Variants in TMTC2 observed in about 807,000 individuals in gnomAD.
TMTC2 encodes the protein transmembrane O-mannosyltransferase targeting cadherins 2, also known as protein O-mannosyl-transferase TMTC2.
In TMTC2, 43 loss-of-function variants were observed where a neutral mutation model predicts 82.4. The ratio of observed to expected loss-of-function variants is 0.52; its 90% CI spans 0.41 to 0.67. TMTC2 has a LOEUF of 0.67. TMTC2 is among the 30% of genes least tolerant of loss of function. The pLI is 0.00. For missense variants in TMTC2, 919 were observed against 1,012.4 expected (o/e 0.91, Z 1.25); for synonymous variants, 408 against 381.9 (o/e 1.07, Z -0.80).
chr12:83,065,496 C>A (rs1275761047), intron 11 of TMTC2, among the ~76,000 whole-genome samples: 2 of 151,856 alleles, frequency 1.3e-5, no homozygotes, highest in African/African-American at 4.8e-5. Flanking sequence ...CAAAATGATA[C>A]CATTACCATT....
intron 1 of TMTC2, among the ~76,000 whole-genome samples, chr12:82,741,486 T>C (rs1459375421): frequency 2.6e-5 from 4 of 152,158 alleles, no homozygotes; most frequent in Non-Finnish European, 5.9e-5. Flanking sequence ...AAGTTTTGTA[T>C]TTTTAGTAGA....
At chr12:83,016,184 G>A (rs1880668880) in intron 8 of TMTC2, among the ~76,000 whole-genome samples, 1 of 152,174 alleles carries the variant, frequency 6.6e-6, no homozygotes, top group East Asian at 1.9e-4. Context: ...ATTAACATTT[G>A]TAAGCTGCTG....
At chr12:82,790,751 C>T (rs1459885143) in intron 1 of TMTC2, among the ~76,000 whole-genome samples, 6 of 150,366 alleles carry the variant, frequency 4.0e-5, no homozygotes, top group South Asian at 2.1e-4. Flanking sequence ...CACTTGAACC[C>T]GGGAGGCGGA....
intron 7 of TMTC2, among the ~76,000 whole-genome samples, 154 bp from the exon 8 acceptor site, chr12:82,985,771 A>T (rs1001295562): frequency 6.2e-4 from 94 of 152,258 alleles, no homozygotes; most frequent in African/African-American, 2.2e-3. Flanking sequence ...AATCATGATG[A>T]CTTCTTTGGG....
At chr12:82,770,720 C>A (rs983248291) in intron 1 of TMTC2, among the ~76,000 whole-genome samples, 3 of 152,144 alleles carry the variant, frequency 2.0e-5, no homozygotes, top group African/African-American at 7.2e-5. Context: ...CTTCTGGGCT[C>A]AAGTAGTCCT....
intron 11 of TMTC2, among the ~76,000 whole-genome samples, chr12:83,077,901 T>TTTTTTTTTC (rs1565879959): frequency 1.4e-5 from 2 of 141,124 alleles, no homozygotes; most frequent in Admixed American, 7.1e-5. Context: ...TTTTTTTTTT[T>TTTTTTTTTC]TTTTAACAGG....
At chr12:82,711,026 A>G (rs1873594561) in intron 1 of TMTC2, among the ~76,000 whole-genome samples, 1 of 152,336 alleles carries the variant, frequency 6.6e-6, no homozygotes, top group Admixed American at 6.5e-5. Context: ...ATCCAAGTTC[A>G]TGAATCTTTT....
intron 11 of TMTC2, among the ~76,000 whole-genome samples, chr12:83,120,616 G>A (rs6539704): frequency 0.31 from 46,786 of 151,940 alleles, 8,227 homozygotes; most frequent in African/African-American, 0.49. Context: ...GGATAACCTG[G>A]TGACAGTGTG....
chr12:82,930,405 T>G (rs775977696), intron 3 of TMTC2, 26 bp from the exon 4 acceptor site: 5 of 1,435,196 alleles, frequency 3.5e-6, no homozygotes, highest in Non-Finnish European at 4.8e-6. Context: ...ATGCTCAGTC[T>G]GAAAATTTCT....
rs547838773 is a variant in TMTC2, at chr12:82,748,979, T to C, written c.83+61310T>C. Among the ~76,000 whole-genome samples the C allele has an allele frequency of 2.6e-5, 4 of 152,330 alleles. No homozygotes were observed. The South Asian group carries it at 6.2e-4, about 24-fold the overall frequency. On this transcript the variant is annotated intron_variant, in intron 1 of 11. Coordinates refer to ENST00000321196, the MANE Select transcript of TMTC2 (RefSeq NM_152588.3). ...GCTTCTTATATATAAACCTAATACA[T>C]AGTTTGTGCTACGCATTGTTTGTCT...
intron 1 of TMTC2, among the ~76,000 whole-genome samples, chr12:82,761,890 C>CTCTCTCTCTT (rs1565738807): frequency 6.6e-6 from 1 of 151,246 alleles, no homozygotes; most frequent in Non-Finnish European, 1.5e-5. Flanking sequence ...TTCTTTCTCT[C>CTCTCTCTCTT]TCTTTCTTTC....
chr12:82,943,890 G>C (rs1177328960), intron 4 of TMTC2, among the ~76,000 whole-genome samples: 1 of 152,166 alleles, frequency 6.6e-6, no homozygotes, highest in East Asian at 1.9e-4. Flanking sequence ...TGTAAAAATA[G>C]AATGTTATGT....
At chr12:83,084,144 G>C (rs998248741) in intron 11 of TMTC2, among the ~76,000 whole-genome samples, 2 of 152,156 alleles carry the variant, frequency 1.3e-5, no homozygotes, top group African/African-American at 4.8e-5. Context: ...CAGATAGTTT[G>C]AGCTCCTGTT....
chr12:82,709,813 G>T (rs1873540935), intron 1 of TMTC2, among the ~76,000 whole-genome samples: 1 of 152,172 alleles, frequency 6.6e-6, no homozygotes, highest in Non-Finnish European at 1.5e-5. Context: ...TGTTTATGAG[G>T]AAATGTGTAA....
At chr12:82,986,119 A>G in intron 8 of TMTC2, 73 bp downstream of exon 8, 1 of 1,599,106 alleles carries the variant, frequency 6.3e-7, no homozygotes, top group South Asian at 1.1e-5. Flanking sequence ...GGTTTGAGGT[A>G]CTGTTTTACA....
chr12:83,100,538 C>T (rs1884183874), intron 11 of TMTC2, among the ~76,000 whole-genome samples: 1 of 152,028 alleles, frequency 6.6e-6, no homozygotes, highest in Admixed American at 6.5e-5. Flanking sequence ...TCCCACTTGC[C>T]ATTTTGGACA....
intron 11 of TMTC2, among the ~76,000 whole-genome samples, chr12:83,077,849 A>C (rs1883335921): frequency 6.9e-6 from 1 of 144,538 alleles, no homozygotes; most frequent in Non-Finnish European, 1.5e-5. Flanking sequence ...CTGGGATTAC[A>C]GGTGTGAGCC....
intron 8 of TMTC2, among the ~76,000 whole-genome samples, chr12:82,999,435 T>A (rs917928957): frequency 6.6e-6 from 1 of 152,168 alleles, no homozygotes; most frequent in Non-Finnish European, 1.5e-5. Context: ...TTTGTCAGAG[T>A]TCCCCATTGT....
chr12:82,874,754 A>G (rs12828471), intron 2 of TMTC2, among the ~76,000 whole-genome samples: 1 of 152,094 alleles, frequency 6.6e-6, no homozygotes, highest in Non-Finnish European at 1.5e-5. Flanking sequence ...CTAATTCTTA[A>G]CAAATATGGA....
Sources: gnomAD v4.1 joint callset for allele counts (sites outside exome capture counted in the v4.1 genomes callset) on GRCh38, gnomAD v4.1.1 for gene constraint, MANE v1.5 for transcripts, NCBI Gene and HGNC (gene_info 2026-07-23, HGNC 2026-07-21) for gene names.